Variants in CACNG7 observed in about 807,000 individuals in gnomAD.
CACNG7 encodes the protein calcium voltage-gated channel auxiliary subunit gamma 7.
A neutral mutation model predicts 26.3 loss-of-function variants in CACNG7; 9 were observed. The observed-to-expected ratio is 0.34, with a 90% confidence interval of 0.21 to 0.60. The LOEUF (loss-of-function observed/expected upper bound fraction) is 0.60, where lower values mean the gene tolerates loss of function less well. Ranked by LOEUF, CACNG7 falls within the 20% of genes least tolerant of loss-of-function variation. CACNG7 has a pLI of 0.81. For synonymous variants in CACNG7, 170 were observed against 157.0 expected (o/e 1.08, Z -0.62); for missense variants, 297 against 380.4 (o/e 0.78, Z 1.82).
intron 4 of CACNG7, among the ~76,000 whole-genome samples, chr19:53,931,685 TAA>T (rs747430354): frequency 4.4e-5 from 2 of 44,946 alleles, no homozygotes. Context: ...AGACTCTGTC[TAA>T]AAAAAAAAAA....
Position 53,912,894 on chromosome 19 carries a change from G to A in CACNG7, c.63G>A (p.Leu21=). The part of the protein sequence containing the change: ...LLSSVFGACG[L]LLVGIAVSTD... ...GCAGCGTGTTTGGTGCGTGTGGCCT[G>A]CTCCTGGTAGGCATCGCGGTCAGCA... is the stretch of plus-strand genomic sequence containing the variant. The change falls in exon 2 of 6, where the codon CTG becomes CTA. Residue 21 remains leucine, a synonymous_variant. Coordinates refer to ENST00000391767, the MANE Select transcript of CACNG7 (RefSeq NM_031896.5). The surrounding 1 kb of genome is among the most constrained non-coding windows in gnomAD (Gnocchi z 4.6). 1 of 1,614,042 alleles carries A rather than the reference G, an allele frequency of 6.2e-7. No homozygotes were observed. The highest frequency in any genetic ancestry group is 1.1e-5 in the South Asian group (1 of 91,080).
intron 4 of CACNG7, among the ~76,000 whole-genome samples, chr19:53,928,849 G>A (rs528187128): frequency 8.6e-5 from 13 of 152,024 alleles, no homozygotes; most frequent in Non-Finnish European, 1.2e-4. Flanking sequence ...GGTAGCTCAC[G>A]CCTGTAATCC....
At chr19:53,921,549 G>A (rs1365729527) in intron 4 of CACNG7, among the ~76,000 whole-genome samples, 3 of 131,290 alleles carry the variant, frequency 2.3e-5, no homozygotes, top group African/African-American at 3.2e-5. Context: ...CATTGGTGGA[G>A]TTGCCCCAGG....
chr19:53,916,224 T>G (rs1293408090), intron 4 of CACNG7, among the ~76,000 whole-genome samples: 1 of 152,206 alleles, frequency 6.6e-6, no homozygotes, highest in African/African-American at 2.4e-5. Flanking sequence ...TCAATATTTG[T>G]TTACAGTTTT....
chr19:53,912,745 G>A lies in CACNG7; in HGVS notation c.-29-58G>A. 1 of 1,374,026 alleles carries A rather than the reference G, an allele frequency of 7.3e-7. No homozygotes were observed. Among genetic ancestry groups the A allele is most frequent in the Non-Finnish European group, 1.0e-6 (1 of 985,880 alleles). 85.1% of individuals were successfully genotyped at this position (1,374,026 alleles called of 1,614,324 possible). On this transcript the variant is annotated intron_variant, in intron 1 of 5. Coordinates refer to ENST00000391767, the MANE Select transcript of CACNG7 (RefSeq NM_031896.5). This position sits in a 1 kb window ranked among gnomAD's most constrained non-coding sequence, Gnocchi z 4.6. The stretch of plus-strand genomic sequence containing the variant: ...GGCCCAGCATCCCGGGTTGCTGCAT[G>A]GGGTCAAGCACTCTGGTCGGTCCCA...
chr19:53,913,212 A>G (rs566430115), intron 2 of CACNG7, among the ~76,000 whole-genome samples, 185 bp downstream of exon 2: 87 of 152,052 alleles, frequency 5.7e-4, no homozygotes, highest in African/African-American at 1.4e-3. Context: ...AGGAGCCCCA[A>G]TGCTCCAGGC....
At chr19:53,914,436 ACCCCCAGC>A (rs1444836632) in intron 2 of CACNG7, 56 bp from the exon 3 acceptor site, 1 of 1,415,530 alleles carries the variant, frequency 7.1e-7, no homozygotes, top group African/African-American at 1.4e-5. Context: ...TCCTGCCCCC[ACCCCCAGC>A]CTCTCTAGAG....
rs113745456 is a variant in CACNG7, at chr19:53,942,720, T to C, written c.*427T>C. ...GCTGGAGAGCAGGTTCGGGCAGCCG[T>C]CGGGAATACCGACCATCCTCTTCTC... On this transcript the variant is annotated 3_prime_UTR_variant, in exon 6 of 6. Coordinates refer to ENST00000391767, the MANE Select transcript of CACNG7 (RefSeq NM_031896.5). The surrounding 1 kb of genome is among the most constrained non-coding windows in gnomAD (Gnocchi z 5.9). 7.8e-3 allele frequency: 2,390 copies of C among 305,310 alleles called. 51 individuals are homozygous for C. The highest frequency in any genetic ancestry group is 0.048 in the African/African-American group (2,156 of 45,118). The allele number at this position is 305,310 out of a possible 1,614,324, so 18.9% of individuals were successfully genotyped here.
chr19:53,929,740 G>T (rs573935416), intron 4 of CACNG7, among the ~76,000 whole-genome samples: 6 of 152,126 alleles, frequency 3.9e-5, no homozygotes, highest in Admixed American at 1.3e-4. Context: ...ACCACGCCCA[G>T]CCTATAATCA....
chr19:53,922,925 A>G (rs2068975374), intron 4 of CACNG7, among the ~76,000 whole-genome samples: 3 of 77,066 alleles, frequency 3.9e-5, no homozygotes, highest in African/African-American at 1.2e-4. Flanking sequence ...TCATTGGTGG[A>G]GTTGTCCCAG....
rs143202757 is a variant in CACNG7, at chr19:53,942,218, C to T, written c.753C>T (p.Ser251=). The T allele has an allele frequency of 3.4e-4, 551 of 1,614,034 alleles. 4 individuals are homozygous for T. The African/African-American group carries it at 6.9e-3, about 20-fold the overall frequency. The change falls in exon 6 of 6, where the codon TCC becomes TCT. Residue 251 remains serine, a synonymous_variant. Transcript: ENST00000391767. This position sits in a 1 kb window ranked among gnomAD's most constrained non-coding sequence, Gnocchi z 5.9. Reference sequence around the variant, plus strand: ...CCTCCGACATCTCCAGCGACGTGTCCATCCAAATGACGCAGAACTACCCTC... The same window carrying T: ...CCTCCGACATCTCCAGCGACGTGTCTATCCAAATGACGCAGAACTACCCTC... ...RSPSDISSDV[S]IQMTQNYPPA...
Position 53,909,803 on chromosome 19 carries a change from G to T in CACNG7, c.-30+286G>T, listed in dbSNP as rs1392479499. 6.6e-6 allele frequency among the ~76,000 whole-genome samples: 1 copy of T among 151,890 alleles called. No homozygotes were observed. The highest frequency in any genetic ancestry group is 1.5e-5 in the Non-Finnish European group (1 of 67,914). On this transcript the variant is annotated intron_variant, in intron 1 of 5. Coordinates refer to ENST00000391767, the MANE Select transcript of CACNG7 (RefSeq NM_031896.5). The surrounding 1 kb of genome is among the most constrained non-coding windows in gnomAD (Gnocchi z 5.1). The stretch of plus-strand genomic sequence containing the variant: ...AGGCCGGGTCCCTGAGGAAGGCGAG[G>T]TACGGGGCGAGGGCGGAGGACCCAG...
Position 53,941,635 on chromosome 19 carries a change from G to T in CACNG7, c.570+20G>T. The T allele has an allele frequency of 6.2e-7, 1 of 1,608,034 alleles. No individual in the cohort carries two copies. The highest frequency in any genetic ancestry group is 1.1e-5 in the South Asian group (1 of 90,184). On this transcript the variant is annotated intron_variant, in intron 5 of 5. Transcript: ENST00000391767. ...AAAGAGGTGACGTCCGTGGGACCTA[G>T]ACTCTAGAGTTCTGAATGGAGAGAG... is the stretch of plus-strand genomic sequence containing the variant.
chr19:53,925,606 T>A (rs562653143), intron 4 of CACNG7, among the ~76,000 whole-genome samples: 33 of 152,224 alleles, frequency 2.2e-4, no homozygotes, highest in African/African-American at 6.5e-4. Flanking sequence ...ATTGGGGGAG[T>A]TGCCCCAGGT....
intron 4 of CACNG7, among the ~76,000 whole-genome samples, chr19:53,924,105 T>A (rs1304854129): frequency 9.6e-6 from 1 of 104,076 alleles, no homozygotes; most frequent in African/African-American, 4.9e-5. Flanking sequence ...CAGGTCTGGG[T>A]ATTGGTGGAC....
chr19:53,920,652 G>A (rs1238090003), intron 4 of CACNG7, among the ~76,000 whole-genome samples: 2 of 88,396 alleles, frequency 2.3e-5, no homozygotes, highest in Non-Finnish European at 4.2e-5. Context: ...GTTGCCCCAG[G>A]CTGGTCATTG....
chr19:53,936,082 A>AT (rs2069103612), intron 4 of CACNG7, among the ~76,000 whole-genome samples: 1 of 136,228 alleles, frequency 7.3e-6, no homozygotes, highest in South Asian at 2.3e-4. Flanking sequence ...TGAACCTTTC[A>AT]TTTTTTATGG....
rs1419672605 is a variant in CACNG7 at position 53,921,773 on chromosome 19, G to C, written c.424+6268G>C. ...GTCTGGTATTGGTGGAGTTGTCCCA[G>C]GTCTGGTCATTGGTGGAGTTGTCCC... On this transcript the variant is annotated intron_variant, in intron 4 of 5. Coordinates refer to ENST00000391767, the MANE Select transcript of CACNG7 (RefSeq NM_031896.5). Among the ~76,000 whole-genome samples, 2 of 82,970 alleles carry C rather than the reference G, an allele frequency of 2.4e-5. 1 individual carries two copies. The highest frequency in any genetic ancestry group is 4.4e-5 in the Non-Finnish European group (2 of 45,280). 54.4% of individuals were successfully genotyped at this position (82,970 alleles called of 152,430 possible).
At chr19:53,914,442 A>C in intron 2 of CACNG7, 58 bp from the exon 3 acceptor site, 1 of 1,473,148 alleles carries the variant, frequency 6.8e-7, no homozygotes, top group Non-Finnish European at 9.5e-7. Context: ...CCCCACCCCC[A>C]GCCTCTCTAG....
Sources: allele counts gnomAD v4.1 joint callset (sites outside exome capture counted in the v4.1 genomes callset), GRCh38; gene constraint gnomAD v4.1.1; non-coding constraint Gnocchi (gnomAD v3.1); transcripts MANE v1.5; gene names NCBI Gene and HGNC (gene_info 2026-07-23, HGNC 2026-07-21).